The following VPS41 variants were observed in gnomAD, a reference collection of about 807,000 sequenced individuals.
VPS41 encodes vacuolar protein sorting-associated protein 41 homolog.
Under a neutral mutation model 130.9 loss-of-function variants are expected in VPS41, and 85 were observed. The ratio of observed to expected loss-of-function variants is 0.65; its 90% CI spans 0.55 to 0.78. The LOEUF is 0.78. Among genes scored for constraint, VPS41 ranks in the 30% least tolerant of loss-of-function variants. The pLI is 0.00. For missense variants in VPS41, 874 were observed against 1,018.7 expected, an observed-to-expected ratio of 0.86 and a Z score of 1.93; for synonymous variants, 335 against 332.9, an observed-to-expected ratio of 1.01 and a Z score of -0.07.
chr7:38,861,103 T>C (rs1397382284), intron 4 of VPS41, among the ~76,000 whole-genome samples: 1 of 152,094 alleles, frequency 6.6e-6, no homozygotes, highest in African/African-American at 2.4e-5. Flanking sequence ...ATACTCGACA[T>C]AAAACAGACA....
intron 2 of VPS41, among the ~76,000 whole-genome samples, chr7:38,886,984 T>C (rs765024503): frequency 2.5e-4 from 38 of 152,018 alleles, no homozygotes; most frequent in Admixed American, 4.6e-4. Context: ...AGCATCAACA[T>C]AAACAAAAAG....
At chr7:38,811,920 TTATA>T (rs1784950764) in intron 7 of VPS41, among the ~76,000 whole-genome samples, 1 of 152,160 alleles carries the variant, frequency 6.6e-6, no homozygotes, top group Admixed American at 6.5e-5. Flanking sequence ...ATAAATTACA[TTATA>T]TATTCAATGC....
At chr7:38,765,773 C>T in intron 15 of VPS41, 112 bp from the exon 16 acceptor site, 1 of 650,786 alleles carries the variant, frequency 1.5e-6, no homozygotes, top group Non-Finnish European at 2.5e-6. Context: ...AATCTCTCTT[C>T]TCAGAGTTTT....
Position 38,726,974 on chromosome 7 carries a change from AG to A in VPS41, c.2418del (p.Phe807SerfsTer22). The A allele has an allele frequency of 6.3e-7, 1 of 1,582,322 alleles. No homozygotes were observed. ...CGGCAATGGAAGACCACCACGCTGAAGGGCTTAGCTGCATCTGGCGAGGAGG... is the reference window on the plus strand; with the variant it reads ...CGGCAATGGAAGACCACCACGCTGAAGGCTTAGCTGCATCTGGCGAGGAGG... The part of the protein sequence containing the change: ...SPILPSDAAK[P>X]FSVVVFHCRH... On this transcript the variant is annotated frameshift_variant, in exon 28 of 29. Coordinates refer to ENST00000310301, the MANE Select transcript of VPS41 (RefSeq NM_014396.4). LOFTEE classifies it high-confidence loss of function.
chr7:38,745,532 G>C (rs761116516), intron 23 of VPS41, 27 bp downstream of exon 23: 1 of 1,591,648 alleles, frequency 6.3e-7, no homozygotes. Flanking sequence ...TAGTTTATGG[G>C]GACCAAAATG....
chr7:38,905,225 C>G (rs1008116406), intron 1 of VPS41, among the ~76,000 whole-genome samples: 1 of 152,012 alleles, frequency 6.6e-6, no homozygotes, highest in African/African-American at 2.4e-5. Context: ...TCAGCAATCT[C>G]TAGGAGAGAT....
At chr7:38,877,407 A>C (rs1206071747) in intron 2 of VPS41, among the ~76,000 whole-genome samples, 3 of 152,142 alleles carry the variant, frequency 2.0e-5, no homozygotes, top group African/African-American at 7.2e-5. Context: ...AAATACCATA[A>C]ACTAGAATTA....
intron 5 of VPS41, 113 bp from the exon 6 acceptor site, chr7:38,821,378 GC>G: frequency 1.3e-6 from 1 of 747,180 alleles, no homozygotes; most frequent in Non-Finnish European, 2.2e-6. Context: ...TAATTTTAAG[GC>G]CCCGTGACCT....
intron 4 of VPS41, among the ~76,000 whole-genome samples, chr7:38,835,848 C>T (rs1308312927): frequency 6.6e-6 from 1 of 151,558 alleles, no homozygotes; most frequent in Non-Finnish European, 1.5e-5. Flanking sequence ...TATAATTTGG[C>T]ATATCAAAGG....
intron 2 of VPS41, among the ~76,000 whole-genome samples, chr7:38,889,938 C>A (rs1392301185): frequency 6.6e-6 from 1 of 152,062 alleles, no homozygotes; most frequent in Non-Finnish European, 1.5e-5. Context: ...GGTAAAGGAA[C>A]TAAATGGAAG....
chr7:38,751,131 T>C (rs1000299106), intron 22 of VPS41, among the ~76,000 whole-genome samples: 1 of 152,234 alleles, frequency 6.6e-6, no homozygotes, highest in Non-Finnish European at 1.5e-5. Context: ...TCAATAATTG[T>C]GGACTTTAAA....
intron 5 of VPS41, among the ~76,000 whole-genome samples, chr7:38,821,881 T>G (rs1218914190): frequency 2.0e-5 from 3 of 152,112 alleles, no homozygotes; most frequent in Non-Finnish European, 2.9e-5. Context: ...TTTGAACAAG[T>G]TATTACTATT....
At chr7:38,889,728 G>A (rs2116410433) in intron 2 of VPS41, among the ~76,000 whole-genome samples, 1 of 152,042 alleles carries the variant, frequency 6.6e-6, no homozygotes, top group Non-Finnish European at 1.5e-5. Flanking sequence ...GAAGATAACA[G>A]AAAAAAAGGC....
At chr7:38,729,865 G>A (rs1795627328) in intron 25 of VPS41, among the ~76,000 whole-genome samples, 1 of 152,182 alleles carries the variant, frequency 6.6e-6, no homozygotes, top group Non-Finnish European at 1.5e-5. Context: ...TTAGGTATTA[G>A]TAGGAAACTG....
rs1037211588 is a variant in VPS41, at chr7:38,825,572, C to A, written c.322-4307G>T. On this transcript the variant is annotated intron_variant, in intron 5 of 28. Transcript: ENST00000310301. ...ATAAGAATCACATAATTAAAGGTTA[C>A]GAGAGAGGACCCTTTTGAAAACGGT... Among the ~76,000 whole-genome samples, 10 of 152,202 alleles carry A rather than the reference C, an allele frequency of 6.6e-5. No individual in the cohort carries two copies. In the East Asian group the frequency reaches 1.7e-3, roughly 26 times the overall value.
chr7:38,838,570 A>G (rs1785542801), intron 4 of VPS41, among the ~76,000 whole-genome samples: 1 of 152,208 alleles, frequency 6.6e-6, no homozygotes. Context: ...TTGTTCAAAA[A>G]TCAATAATGT....
chr7:38,827,906 T>A (rs933074970), intron 5 of VPS41, among the ~76,000 whole-genome samples: 1 of 152,092 alleles, frequency 6.6e-6, no homozygotes, highest in Non-Finnish European at 1.5e-5. Context: ...GAACTAGACA[T>A]AACTTAGCAA....
chr7:38,876,143 T>C (rs1264928016), intron 2 of VPS41, among the ~76,000 whole-genome samples: 1 of 152,136 alleles, frequency 6.6e-6, no homozygotes, highest in Admixed American at 6.6e-5. Flanking sequence ...CCAGGGATTA[T>C]GCTAAACAAT....
intron 5 of VPS41, 58 bp from the exon 6 acceptor site, chr7:38,821,323 G>C (rs890107152): frequency 2.1e-5 from 26 of 1,231,324 alleles, no homozygotes; most frequent in Non-Finnish European, 3.0e-5. Flanking sequence ...AGGCTACTGA[G>C]TCAGTATGAA....
Sources: gnomAD v4.1 joint callset for allele counts (sites outside exome capture counted in the v4.1 genomes callset) on GRCh38, gnomAD v4.1.1 for gene constraint, MANE v1.5 for transcripts, NCBI Gene and HGNC (gene_info 2026-07-23, HGNC 2026-07-21) for gene names.